CLSTN2: variants seen among roughly 807,000 people sequenced by gnomAD.
The protein encoded by CLSTN2 is calsyntenin-2.
Under a neutral mutation model 101.2 loss-of-function variants are expected in CLSTN2, and 48 were observed. That is an observed-to-expected ratio of 0.47 (90% confidence interval 0.38 to 0.60). The LOEUF is 0.60. CLSTN2 is among the 20% of genes least tolerant of loss of function. The pLI is 0.00. For missense variants in CLSTN2, 1,160 were observed against 1,238.2 expected (o/e 0.94, Z 0.95); for synonymous variants, 481 against 463.6 (o/e 1.04, Z -0.48).
intron 1 of CLSTN2, among the ~76,000 whole-genome samples, chr3:140,165,241 G>T (rs1484486602): frequency 1.3e-5 from 2 of 152,052 alleles, no homozygotes; most frequent in African/African-American, 2.4e-5. Flanking sequence ...CCTAAGATTT[G>T]GGAGGCATGC....
At chr3:140,413,545 T>A (rs1475553406) in intron 4 of CLSTN2, among the ~76,000 whole-genome samples, 1 of 152,140 alleles carries the variant, frequency 6.6e-6, no homozygotes, top group Non-Finnish European at 1.5e-5. Flanking sequence ...TCAAACTCAT[T>A]TTATTAGGCT....
At chr3:140,012,753 C>T (rs2007114070) in intron 1 of CLSTN2, among the ~76,000 whole-genome samples, 1 of 152,124 alleles carries the variant, frequency 6.6e-6, no homozygotes. Flanking sequence ...AGAGCAAGTT[C>T]CATAGATCCT....
At chr3:140,098,010 C>T (rs2008900618) in intron 1 of CLSTN2, among the ~76,000 whole-genome samples, 1 of 152,036 alleles carries the variant, frequency 6.6e-6, no homozygotes, top group South Asian at 2.1e-4. Flanking sequence ...ACAGAGTATT[C>T]CTGAAAACAG....
chr3:140,551,476 T>A (rs549995161), intron 10 of CLSTN2, among the ~76,000 whole-genome samples: 1 of 151,976 alleles, frequency 6.6e-6, no homozygotes, highest in African/African-American at 2.4e-5. Flanking sequence ...CTGATTTTCA[T>A]AGCACAATCC....
chr3:140,294,356 A>T (rs2086982900), intron 2 of CLSTN2, among the ~76,000 whole-genome samples: 1 of 152,208 alleles, frequency 6.6e-6, no homozygotes, highest in African/African-American at 2.4e-5. Context: ...ACAAAGGTTT[A>T]TTTCTTACTC....
At chr3:140,052,529 C>T (rs755514156) in intron 1 of CLSTN2, among the ~76,000 whole-genome samples, 69 of 152,182 alleles carry the variant, frequency 4.5e-4, no homozygotes, top group Non-Finnish European at 9.3e-4. Context: ...TTCTCATAGG[C>T]CTCTGTTTAG....
chr3:140,100,812 C>T (rs577527689), intron 1 of CLSTN2, among the ~76,000 whole-genome samples: 5 of 152,328 alleles, frequency 3.3e-5, no homozygotes, highest in African/African-American at 1.2e-4. Context: ...GGCAAGATTC[C>T]GTAAATCCTG....
intron 8 of CLSTN2, among the ~76,000 whole-genome samples, chr3:140,486,095 C>T (rs1306756579): frequency 1.3e-5 from 2 of 151,362 alleles, no homozygotes; most frequent in Non-Finnish European, 2.9e-5. Context: ...CTCCACCCCA[C>T]AAAGATAAAC....
chr3:140,006,138 A>T (rs1012966754), intron 1 of CLSTN2, among the ~76,000 whole-genome samples: 8 of 152,352 alleles, frequency 5.3e-5, no homozygotes, highest in African/African-American at 1.9e-4. Context: ...GTGGTTTCTC[A>T]GTGGAGTTTC....
chr3:140,157,388 G>GT (rs991887279), intron 1 of CLSTN2, among the ~76,000 whole-genome samples: 1 of 152,054 alleles, frequency 6.6e-6, no homozygotes, highest in African/African-American at 2.4e-5. Flanking sequence ...TGGTTGGTAG[G>GT]TTTTTTAAAT....
rs142897198 is a variant in CLSTN2, at chr3:140,209,627, GCACTGT to G, written c.232+33556_232+33561del. Among the ~76,000 whole-genome samples the G allele has an allele frequency of 4.7e-3, 718 of 152,178 alleles. 4 individuals are homozygous for G. Among genetic ancestry groups the G allele is most frequent in the African/African-American group, 0.016 (675 of 41,506 alleles). ...CTTTTTAAGGCTCTGTTGAAGCCCA[GCACTGT>G]CCGTACTGCTGCCTGAACCTACAGT... is the stretch of plus-strand genomic sequence containing the variant. On this transcript the variant is annotated intron_variant, in intron 2 of 16. Transcript: ENST00000458420.
intron 4 of CLSTN2, among the ~76,000 whole-genome samples, chr3:140,407,622 G>T (rs2088318019): frequency 6.6e-6 from 1 of 152,200 alleles, no homozygotes; most frequent in African/African-American, 2.4e-5. Flanking sequence ...TTACCTGGAT[G>T]ATTGGGACTT....
At chr3:140,389,779 C>T (rs2107969767) in intron 2 of CLSTN2, among the ~76,000 whole-genome samples, 1 of 152,312 alleles carries the variant, frequency 6.6e-6, no homozygotes, top group Middle Eastern at 3.4e-3. Context: ...TTCTTCACAA[C>T]CTCATCAGCA....
At chr3:140,339,025 G>A (rs79674896) in intron 2 of CLSTN2, among the ~76,000 whole-genome samples, 11,987 of 152,210 alleles carry the variant, frequency 0.079, 647 homozygotes, top group Middle Eastern at 0.15. Flanking sequence ...GTCATGCTGC[G>A]CAGTGGCTCA....
rs140476047 is a variant in CLSTN2, at chr3:140,223,331, G to A, written c.232+47258G>A. On this transcript the variant is annotated intron_variant, in intron 2 of 16. Transcript: ENST00000458420. ...GCTGCACAGGCTGCTTTTCCTCAAG[G>A]CAGGGCAATGCCTAGCTAAGTCTTT... 1.3e-4 allele frequency among the ~76,000 whole-genome samples: 20 copies of A among 152,282 alleles called. No individual in the cohort carries two copies. The East Asian group carries it at 3.5e-3, about 26-fold the overall frequency.
intron 2 of CLSTN2, among the ~76,000 whole-genome samples, chr3:140,190,906 T>C (rs922703312): frequency 6.6e-6 from 1 of 152,118 alleles, no homozygotes; most frequent in African/African-American, 2.4e-5. Context: ...TTGGGTTTTA[T>C]TTCCTTTTTA....
At chr3:140,065,058 A>G (rs1026466562) in intron 1 of CLSTN2, among the ~76,000 whole-genome samples, 2 of 152,362 alleles carry the variant, frequency 1.3e-5, no homozygotes, top group Admixed American at 6.5e-5. Context: ...GCTAACAACC[A>G]TGGAAGCAAT....
intron 2 of CLSTN2, among the ~76,000 whole-genome samples, chr3:140,230,220 C>G (rs146243311): frequency 6.6e-6 from 1 of 152,056 alleles, no homozygotes; most frequent in African/African-American, 2.4e-5. Flanking sequence ...ACATTACATA[C>G]TGATTGCAGT....
rs577354096 is a variant in CLSTN2 at position 140,256,174 on chromosome 3, C to G, written c.232+80101C>G. ...GCCTTTCTTCAAAACATCCATGCAG[C>G]CTCCTCTCCCATCCTTCACCCCACT... On this transcript the variant is annotated intron_variant, in intron 2 of 16. Coordinates refer to ENST00000458420, the MANE Select transcript of CLSTN2 (RefSeq NM_022131.3). Among the ~76,000 whole-genome samples, 8 of 152,280 alleles carry G rather than the reference C, an allele frequency of 5.3e-5. No individual in the cohort carries two copies. The South Asian group carries it at 1.7e-3, about 32-fold the overall frequency.
Sources: gnomAD v4.1 joint callset for allele counts (sites outside exome capture counted in the v4.1 genomes callset) on GRCh38, gnomAD v4.1.1 for gene constraint, MANE v1.5 for transcripts, NCBI Gene and HGNC (gene_info 2026-07-23, HGNC 2026-07-21) for gene names.